RIN3: variants seen among roughly 807,000 people sequenced by gnomAD.
The protein encoded by RIN3 is Ras and Rab interactor 3.
In RIN3, 54 loss-of-function variants were observed where a neutral mutation model predicts 76.3. The ratio of observed to expected loss-of-function variants is 0.71; its 90% confidence interval spans 0.57 to 0.89. RIN3 has a LOEUF of 0.89. Among genes scored for constraint, RIN3 ranks in the 40% least tolerant of loss-of-function variants. The probability of loss-of-function intolerance (pLI) is 0.00; values close to 1 mark genes in which losing one functional copy is unlikely to be tolerated. For synonymous variants in RIN3, 576 were observed against 564.0 expected (o/e 1.02, Z -0.30); for missense variants, 1,256 against 1,322.1 (o/e 0.95, Z 0.78).
At chr14:92,639,412 G>A (rs766474032) in intron 4 of RIN3, among the ~76,000 whole-genome samples, 16 of 152,240 alleles carry the variant, frequency 1.1e-4, no homozygotes, top group Non-Finnish European at 1.8e-4. Context: ...GATAACCACT[G>A]CTGGGCACCC....
chr14:92,568,443 C>T lies in RIN3; in HGVS notation c.250-8917C>T, dbSNP rs1653601831. ...AATCTAAAATGTTCTTCAGGCATCA[C>T]TGCGGCACAGTGATGCTGTTTTTGA... On this transcript the variant is annotated intron_variant, in intron 2 of 9. Coordinates refer to ENST00000216487, the MANE Select transcript of RIN3 (RefSeq NM_024832.5). The surrounding 1 kb of genome is among the most constrained non-coding windows in gnomAD (Gnocchi z 4.2). Among the ~76,000 whole-genome samples, 1 of 152,236 alleles carries T rather than the reference C, an allele frequency of 6.6e-6. No homozygotes were observed. Among genetic ancestry groups the T allele is most frequent in the African/African-American group, 2.4e-5 (1 of 41,470 alleles).
Position 92,687,915 on chromosome 14 carries a change from C to A in RIN3, c.2632-11C>A. The A allele has an allele frequency of 6.5e-7, 1 of 1,533,110 alleles. No individual in the cohort carries two copies. The highest frequency in any genetic ancestry group is 8.8e-7 in the Non-Finnish European group (1 of 1,140,988). 95.0% of individuals were successfully genotyped at this position (1,533,110 alleles called of 1,614,324 possible). On this transcript the variant is annotated splice_polypyrimidine_tract_variant and intron_variant, in intron 9 of 9. Coordinates refer to ENST00000216487, the MANE Select transcript of RIN3 (RefSeq NM_024832.5). ...CCCCGCCGTGACCACAGGCCCCTCG[C>A]GTCTCCGCAGGACTTCATCTGCGTG... is the stretch of plus-strand genomic sequence containing the variant.
At position 92,681,316 on chromosome 14, in the gene RIN3, C is replaced by G. The variant is rs529709547; in HGVS notation, c.2468-3671C>G. On this transcript the variant is annotated intron_variant, in intron 8 of 9. Coordinates refer to ENST00000216487, the MANE Select transcript of RIN3 (RefSeq NM_024832.5). This position sits in a 1 kb window ranked among gnomAD's most constrained non-coding sequence, Gnocchi z 4.7. ...AAGGCTGGCAGAGAGAGAGGCCTCA[C>G]GAAGAAGTCAGACTCCAGCACCAAG... Among the ~76,000 whole-genome samples the G allele has an allele frequency of 8.4e-6, 1 of 119,138 alleles. No individual in the cohort carries two copies. Among genetic ancestry groups the G allele is most frequent in the Admixed American group, 8.5e-5 (1 of 11,784 alleles). The allele number at this position is 119,138 out of a possible 152,430, so 78.2% of individuals were successfully genotyped here. A position where few individuals can be genotyped will look rare whatever the true frequency, so the allele number is the denominator to read the frequency against.
intron 4 of RIN3, chr14:92,615,723 C>G (rs764466420): frequency 1.9e-6 from 1 of 514,704 alleles, no homozygotes; most frequent in Non-Finnish European, 3.5e-6. Flanking sequence ...GCCTGTCTCT[C>G]AGCTTCCTGT....
At position 92,561,040 on chromosome 14, in the gene RIN3, A is replaced by T. The variant is rs1454360694; in HGVS notation, c.249+5085A>T. On this transcript the variant is annotated intron_variant, in intron 2 of 9. Transcript: ENST00000216487. Reference sequence around the variant, plus strand: ...CTGTCTAAAAAAAAAAAAAAAAAAAAAAAAATATATATATATCTGCCATAT... The same window carrying T: ...CTGTCTAAAAAAAAAAAAAAAAAAATAAAAATATATATATATCTGCCATAT... Among the ~76,000 whole-genome samples the T allele has an allele frequency of 8.1e-3, 125 of 15,392 alleles. 4 individuals are homozygous for T. The highest frequency in any genetic ancestry group is 0.011 in the African/African-American group (50 of 4,700). 10.1% of individuals were successfully genotyped at this position (15,392 alleles called of 152,430 possible). A position where few individuals can be genotyped will look rare whatever the true frequency, so the allele number is the denominator to read the frequency against.
At chr14:92,577,073 C>T (rs1171736878) in intron 2 of RIN3, among the ~76,000 whole-genome samples, 1 of 152,144 alleles carries the variant, frequency 6.6e-6, no homozygotes, top group Non-Finnish European at 1.5e-5. Context: ...AAGACCTCCC[C>T]CCACCATGGA....
chr14:92,564,167 A>G (rs1897855058), intron 2 of RIN3, among the ~76,000 whole-genome samples: 1 of 152,262 alleles, frequency 6.6e-6, no homozygotes. Context: ...CAGGCCAAAA[A>G]TGAATAGTAA....
intron 4 of RIN3, among the ~76,000 whole-genome samples, chr14:92,618,274 G>T (rs1314665655): frequency 2.0e-5 from 3 of 152,066 alleles, no homozygotes; most frequent in Non-Finnish European, 4.4e-5. Context: ...AATATTCAAA[G>T]ATAAGAGTTT....
In RIN3 at chr14:92,628,622, G is replaced by A. The variant is rs566057652; in HGVS notation, c.441-12616G>A. 9.2e-5 allele frequency among the ~76,000 whole-genome samples: 14 copies of A among 152,240 alleles called. No individual in the cohort carries two copies. The South Asian group carries it at 2.3e-3, about 25-fold the overall frequency. ...CACGCTTTCCCATGCTTCCTGTTCC[G>A]TGAACTTTAATGATAGGAACTGGAG... On this transcript the variant is annotated intron_variant, in intron 4 of 9. Transcript: ENST00000216487.
intron 7 of RIN3, among the ~76,000 whole-genome samples, chr14:92,670,120 G>C (rs527651795): frequency 6.6e-6 from 1 of 151,600 alleles, no homozygotes; most frequent in Non-Finnish European, 1.5e-5. Context: ...GCTGGAATTA[G>C]GGCCTTTCTA....
chr14:92,641,607 G>A (rs1887018721), intron 5 of RIN3, among the ~76,000 whole-genome samples: 1 of 152,168 alleles, frequency 6.6e-6, no homozygotes, highest in Non-Finnish European at 1.5e-5. Context: ...TGTGGTCCTG[G>A]GAGAAGCCGA....
intron 6 of RIN3, among the ~76,000 whole-genome samples, chr14:92,653,712 G>A (rs557137663): frequency 2.0e-5 from 3 of 152,244 alleles, no homozygotes; most frequent in South Asian, 4.1e-4. Flanking sequence ...ACAACCACAC[G>A]CCTACGTATA....
intron 1 of RIN3, among the ~76,000 whole-genome samples, chr14:92,549,489 A>T (rs10131588): frequency 2.0e-5 from 3 of 151,882 alleles, no homozygotes; most frequent in African/African-American, 7.3e-5. Context: ...CATGCTCACC[A>T]CTCTGTCCCC....
intron 8 of RIN3, among the ~76,000 whole-genome samples, chr14:92,677,562 CG>C (rs1888513385): frequency 6.6e-6 from 1 of 151,974 alleles, no homozygotes; most frequent in Admixed American, 6.6e-5. Flanking sequence ...AAAGCCATGA[CG>C]TTTGCTGTCA....
intron 2 of RIN3, chr14:92,576,278 C>T: frequency 1.6e-6 from 2 of 1,289,312 alleles, no homozygotes; most frequent in Non-Finnish European, 2.0e-6. Context: ...GAATCCCGCT[C>T]CCCATGCTTG....
intron 1 of RIN3, among the ~76,000 whole-genome samples, chr14:92,531,302 C>T (rs1399504246): frequency 2.6e-5 from 4 of 152,182 alleles, no homozygotes; most frequent in Non-Finnish European, 5.9e-5. Flanking sequence ...AAATCCAATC[C>T]TCTCAGGGCA....
At position 92,684,974 on chromosome 14, in the gene RIN3, C is replaced by A. The variant is rs1414486818; in HGVS notation, c.2468-13C>A. 5 of 1,604,616 alleles carry A rather than the reference C, an allele frequency of 3.1e-6. No homozygotes were observed. The Admixed American group carries it at 6.7e-5, about 21-fold the overall frequency. ...GCGGTCCTGGCTCAGATTCCACACCCTTGTCCACGCAGGTTCCTACTATCT... is the reference window on the plus strand; with the variant it reads ...GCGGTCCTGGCTCAGATTCCACACCATTGTCCACGCAGGTTCCTACTATCT... On this transcript the variant is annotated splice_polypyrimidine_tract_variant and intron_variant, in intron 8 of 9. Coordinates refer to ENST00000216487, the MANE Select transcript of RIN3 (RefSeq NM_024832.5).
intron 3 of RIN3, among the ~76,000 whole-genome samples, chr14:92,607,896 T>G (rs1885585623): frequency 6.6e-6 from 1 of 152,312 alleles, no homozygotes; most frequent in Non-Finnish European, 1.5e-5. Flanking sequence ...CTCAAGGAAG[T>G]TACACTGAAA....
At chr14:92,539,174 G>A (rs1459726087) in intron 1 of RIN3, among the ~76,000 whole-genome samples, 1 of 151,948 alleles carries the variant, frequency 6.6e-6, no homozygotes, top group Non-Finnish European at 1.5e-5. Context: ...AGTTTCTGGG[G>A]ATCTTGGGGT....
Sources: gnomAD v4.1 joint callset for allele counts (sites outside exome capture counted in the v4.1 genomes callset) on GRCh38, gnomAD v4.1.1 for gene constraint, Gnocchi (gnomAD v3.1) non-coding constraint, MANE v1.5 for transcripts, NCBI Gene and HGNC (gene_info 2026-07-23, HGNC 2026-07-21) for gene names.